Variants in DIRAS1 observed in about 807,000 individuals in gnomAD.
DIRAS1 encodes the protein GTP-binding protein Di-Ras1.
A neutral mutation model predicts 11.5 loss-of-function variants in DIRAS1; 3 were observed. The observed-to-expected ratio is 0.26, with a 90% confidence interval of 0.12 to 0.67. The LOEUF is 0.67. DIRAS1 is among the 30% of genes least tolerant of loss of function. DIRAS1 has a pLI of 0.80. For synonymous variants in DIRAS1, 128 were observed against 125.8 expected (o/e 1.02, Z -0.12); for missense variants, 212 against 285.3 (o/e 0.74, Z 1.85).
At position 2,717,107 on chromosome 19, in the gene DIRAS1, G is replaced by A; in HGVS notation, c.*103C>T. On this transcript the variant is annotated 3_prime_UTR_variant, in exon 2 of 2. Transcript: ENST00000323469. ...CTCGGTTTCCCCAGCCGAGGTGTCG[G>A]AGGAAGGATGAGAGAAGAGGAGGAG... 4 of 1,287,738 alleles carry A rather than the reference G, an allele frequency of 3.1e-6. No homozygotes were observed. Among genetic ancestry groups the A allele is most frequent in the Non-Finnish European group, 4.2e-6 (4 of 943,144 alleles). 79.8% of individuals were successfully genotyped at this position (1,287,738 alleles called of 1,614,324 possible).
At chr19:2,720,755 G>C (rs1913934205) in intron 1 of DIRAS1, among the ~76,000 whole-genome samples, 1 of 152,180 alleles carries the variant, frequency 6.6e-6, no homozygotes, top group South Asian at 2.1e-4. Flanking sequence ...GACCAAGGGT[G>C]GGGCGGGGGT....
chr19:2,719,598 AG>A (rs1913907541), intron 1 of DIRAS1, among the ~76,000 whole-genome samples: 1 of 107,906 alleles, frequency 9.3e-6, no homozygotes, highest in Non-Finnish European at 1.9e-5. Flanking sequence ...GGGGTGGGGG[AG>A]GGGTGTTCCC....
chr19:2,719,854 G>A (rs961036752), intron 1 of DIRAS1, among the ~76,000 whole-genome samples: 1 of 152,318 alleles, frequency 6.6e-6, no homozygotes, highest in Non-Finnish European at 1.5e-5. Context: ...CGGAGACCCC[G>A]ATCACAATTG....
Position 2,715,002 on chromosome 19 carries a change from C to G in DIRAS1, c.*2208G>C, listed in dbSNP as rs1296331789. 6.6e-6 allele frequency: 1 copy of G among 152,524 alleles called. No individual in the cohort carries two copies. Among genetic ancestry groups the G allele is most frequent in the Non-Finnish European group, 1.5e-5 (1 of 68,112 alleles). 9.4% of individuals were successfully genotyped at this position (152,524 alleles called of 1,614,324 possible). ...AGCTGCTGGTGGGCCCTGGGCCAGC[C>G]CAAGTTTTGGGGGGACCCAGCTCTG... On this transcript the variant is annotated 3_prime_UTR_variant, in exon 2 of 2. Transcript: ENST00000323469.
rs763271501 is a variant in DIRAS1 at position 2,718,978 on chromosome 19, A to G, written c.-69-1103T>C. Among the ~76,000 whole-genome samples, 7 of 149,936 alleles carry G rather than the reference A, an allele frequency of 4.7e-5. No homozygotes were observed. The highest frequency in any genetic ancestry group is 8.9e-5 in the Non-Finnish European group (6 of 67,660). On this transcript the variant is annotated intron_variant, in intron 1 of 1. Transcript: ENST00000323469. The surrounding 1 kb of genome is among the most constrained non-coding windows in gnomAD (Gnocchi z 4.2). The stretch of plus-strand genomic sequence containing the variant: ...TGGGATTACAGGCATGCACCACCAC[A>G]CCCGGCTAATTTTTGTATTTTCAGT...
Position 2,718,404 on chromosome 19 carries a change from T to TC in DIRAS1, c.-69-530dup, listed in dbSNP as rs1294603995. ...CCGCCAACCCAGAGATGGCCAATCC[T>TC]CATGGAAGCCGCACATGGTCGGGTG... On this transcript the variant is annotated intron_variant, in intron 1 of 1. Coordinates refer to ENST00000323469, the MANE Select transcript of DIRAS1 (RefSeq NM_145173.4). This position sits in a 1 kb window ranked among gnomAD's most constrained non-coding sequence, Gnocchi z 4.2. 1.4e-4 allele frequency among the ~76,000 whole-genome samples: 22 copies of TC among 152,288 alleles called. No homozygotes were observed. The East Asian group carries it at 4.0e-3, about 28-fold the overall frequency.
chr19:2,716,247 G>A lies in DIRAS1; in HGVS notation c.*963C>T, dbSNP rs1345674539. ...GGCAGGCCCTGCTCTCTGGGGCACAGGTGGTGGGGAGGAAGTGGGTGGGGC... is the reference window on the plus strand; with the variant it reads ...GGCAGGCCCTGCTCTCTGGGGCACAAGTGGTGGGGAGGAAGTGGGTGGGGC... On this transcript the variant is annotated 3_prime_UTR_variant, in exon 2 of 2. Transcript: ENST00000323469. The A allele has an allele frequency of 6.6e-6, 1 of 152,370 alleles. No individual in the cohort carries two copies. Among genetic ancestry groups the A allele is most frequent in the Non-Finnish European group, 1.5e-5 (1 of 68,138 alleles). 9.4% of individuals were successfully genotyped at this position (152,370 alleles called of 1,614,324 possible). A position where few individuals can be genotyped will look rare whatever the true frequency, so the allele number is the denominator to read the frequency against.
Position 2,717,698 on chromosome 19 carries a change from T to C in DIRAS1, c.109A>G (p.Ile37Val). 1.9e-6 allele frequency: 3 copies of C among 1,611,238 alleles called. No homozygotes were observed. The highest frequency in any genetic ancestry group is 2.5e-6 in the Non-Finnish European group (3 of 1,179,998). Residue 37 changes from isoleucine to valine, a missense_variant, in exon 2 of 2, where the codon ATC (isoleucine) becomes GTC (valine). By Grantham distance (29) the Ile-to-Val change is conservative. This residue lies in a region of DIRAS1 where 128 missense variants were observed against 205.3 expected (regional missense o/e 0.62). Coordinates refer to ENST00000323469, the MANE Select transcript of DIRAS1 (RefSeq NM_145173.4). Reference sequence around the variant, plus strand: ...CGGTAGGTGTCCTCGATGGTGGGGATGTAGGTGTCGCGGAACGTGCCCTTC... The same window carrying C: ...CGGTAGGTGTCCTCGATGGTGGGGACGTAGGTGTCGCGGAACGTGCCCTTC... ...FVKGTFRDTY[I>V]PTIEDTYRQV...
In DIRAS1 at chr19:2,717,334, T is replaced by C; in HGVS notation, c.473A>G (p.Lys158Arg). 6.2e-7 allele frequency: 1 copy of C among 1,611,670 alleles called. No homozygotes were observed. The highest frequency in any genetic ancestry group is 1.1e-5 in the South Asian group (1 of 91,084). ...CGTCAGCAGCTCCTGGAAGAGCTCCTTGACGTTGTAGTTCATCTTGGCCGA... is the reference window on the plus strand; with the variant it reads ...CGTCAGCAGCTCCTGGAAGAGCTCCCTGACGTTGTAGTTCATCTTGGCCGA... ...ETSAKMNYNV[K>R]ELFQELLTLE... is the part of the protein sequence containing the mutation. The change falls in exon 2 of 2, where the codon AAG (lysine) becomes AGG (arginine). Residue 158 changes from lysine (K) to arginine (R), a missense_variant. Physicochemically the swap from Lys to Arg is conservative, Grantham distance 26 (BLOSUM62 2). Coordinates refer to ENST00000323469, the MANE Select transcript of DIRAS1 (RefSeq NM_145173.4).
At position 2,718,097 on chromosome 19, in the gene DIRAS1, G is replaced by C. The variant is rs1173892814; in HGVS notation, c.-69-222C>G. Among the ~76,000 whole-genome samples the C allele has an allele frequency of 6.6e-6, 1 of 152,220 alleles. No individual in the cohort carries two copies. The highest frequency in any genetic ancestry group is 1.5e-5 in the Non-Finnish European group (1 of 68,042). ...GCTTACTTCTCCCTAACAAAATCTG[G>C]GGCCTGAGCTTCCCCGGGGGACGCT... is the stretch of plus-strand genomic sequence containing the variant. On this transcript the variant is annotated intron_variant, in intron 1 of 1. Transcript: ENST00000323469. The surrounding 1 kb of genome is among the most constrained non-coding windows in gnomAD (Gnocchi z 4.2).
intron 1 of DIRAS1, among the ~76,000 whole-genome samples, chr19:2,719,992 C>T (rs931100860): frequency 2.0e-5 from 3 of 152,218 alleles, no homozygotes; most frequent in African/African-American, 4.8e-5. Flanking sequence ...CTGATGAAAG[C>T]GCCAGCTGAC....
In DIRAS1 at chr19:2,718,521, T is replaced by G. The variant is rs1380637752; in HGVS notation, c.-69-646A>C. 1.3e-5 allele frequency among the ~76,000 whole-genome samples: 2 copies of G among 152,216 alleles called. No homozygotes were observed. The highest frequency in any genetic ancestry group is 4.8e-5 in the African/African-American group (2 of 41,452). On this transcript the variant is annotated intron_variant, in intron 1 of 1. Transcript: ENST00000323469. The surrounding 1 kb of genome is among the most constrained non-coding windows in gnomAD (Gnocchi z 4.2). Reference sequence around the variant, plus strand: ...TGGGAACTCGTATTTTATTTTATTCTTCTTATTTATTTATTTATTTTTAGA... The same window carrying G: ...TGGGAACTCGTATTTTATTTTATTCGTCTTATTTATTTATTTATTTTTAGA...
In DIRAS1 at chr19:2,716,965, G is replaced by A. The variant is rs1323234470; in HGVS notation, c.*245C>T. 5 of 474,224 alleles carry A rather than the reference G, an allele frequency of 1.1e-5. No homozygotes were observed. Among genetic ancestry groups the A allele is most frequent in the African/African-American group, 2.0e-5 (1 of 51,234 alleles). 29.4% of individuals were successfully genotyped at this position (474,224 alleles called of 1,614,324 possible). A position where few individuals can be genotyped will look rare whatever the true frequency, so the allele number is the denominator to read the frequency against. ...TCTGCAGGACAAGGGGGCCACCTCCGGCTCTTGGTTTTGGAGGGTACAGAC... is the reference window on the plus strand; with the variant it reads ...TCTGCAGGACAAGGGGGCCACCTCCAGCTCTTGGTTTTGGAGGGTACAGAC... On this transcript the variant is annotated 3_prime_UTR_variant, in exon 2 of 2. Coordinates refer to ENST00000323469, the MANE Select transcript of DIRAS1 (RefSeq NM_145173.4).
Position 2,717,708 on chromosome 19 carries a change from G to A in DIRAS1, c.99C>T (p.Arg33=), listed in dbSNP as rs1370921499. 8.7e-6 allele frequency: 14 copies of A among 1,609,798 alleles called. No individual in the cohort carries two copies. The highest frequency in any genetic ancestry group is 3.3e-5 in the South Asian group (3 of 91,092). The part of the protein sequence containing the change: ...LVLRFVKGTF[R]DTYIPTIEDT... ...CCTCGATGGTGGGGATGTAGGTGTC[G>A]CGGAACGTGCCCTTCACGAAGCGCA... The change falls in exon 2 of 2, where the codon CGC becomes CGT. Residue 33 remains arginine, a synonymous_variant. Transcript: ENST00000323469.
intron 1 of DIRAS1, among the ~76,000 whole-genome samples, chr19:2,719,749 C>T (rs1457251292): frequency 6.6e-6 from 1 of 152,110 alleles, no homozygotes; most frequent in Non-Finnish European, 1.5e-5. Flanking sequence ...ATTCAAGTCC[C>T]TAAGCCTCCG....
In DIRAS1 at chr19:2,717,300, C is replaced by A; in HGVS notation, c.507G>T (p.Thr169=). 2.5e-6 allele frequency: 4 copies of A among 1,612,360 alleles called. No homozygotes were observed. Among genetic ancestry groups the A allele is most frequent in the Non-Finnish European group, 3.4e-6 (4 of 1,179,902 alleles). The change falls in exon 2 of 2, where the codon ACG becomes ACT. Residue 169 remains threonine (T), a synonymous_variant. Transcript: ENST00000323469. ...ELFQELLTLE[T]RRNMSLNIDG... The stretch of plus-strand genomic sequence containing the variant: ...CGATGTTGAGGCTCATGTTCCGGCG[C>A]GTCTCCAGCGTCAGCAGCTCCTGGA...
At chr19:2,719,922 G>C (rs1913915887) in intron 1 of DIRAS1, among the ~76,000 whole-genome samples, 1 of 152,208 alleles carries the variant, frequency 6.6e-6, no homozygotes, top group African/African-American at 2.4e-5. Flanking sequence ...GTGCCTGTTG[G>C]TTGCAAAGGC....
rs73920500 is a variant in DIRAS1, at chr19:2,715,369, A to G, written c.*1841T>C. 0.044 allele frequency: 6,653 copies of G among 152,270 alleles called. 478 individuals are homozygous for G. The highest frequency in any genetic ancestry group is 0.15 in the African/African-American group (6,239 of 41,484). The allele number at this position is 152,270 out of a possible 1,614,324, so 9.4% of individuals were successfully genotyped here. ...ACCTTCCCTCACTAACTTAGCTGCC[A>G]TGCTCCGAGCCCCGCTGTGGAGAGA... On this transcript the variant is annotated 3_prime_UTR_variant, in exon 2 of 2. Coordinates refer to ENST00000323469, the MANE Select transcript of DIRAS1 (RefSeq NM_145173.4).
rs922014635 is a variant in DIRAS1, at chr19:2,721,324, G to C, written c.-90C>G. On this transcript the variant is annotated 5_prime_UTR_variant, in exon 1 of 2. Coordinates refer to ENST00000323469, the MANE Select transcript of DIRAS1 (RefSeq NM_145173.4). ...CCTACCTGGGCCCGCTGGTCCCTGC[G>C]GCGCCGCGGCCGCTGCTCCTGCCCG... 104 of 146,162 alleles carry C rather than the reference G, an allele frequency of 7.1e-4. No individual in the cohort carries two copies. The highest frequency in any genetic ancestry group is 2.5e-3 in the African/African-American group (102 of 40,378). 9.1% of individuals were successfully genotyped at this position (146,162 alleles called of 1,614,324 possible).
Sources: gnomAD v4.1 joint callset for allele counts (sites outside exome capture counted in the v4.1 genomes callset) on GRCh38, gnomAD v4.1.1 for gene constraint, gnomAD v4.1.1 regional missense constraint, Gnocchi (gnomAD v3.1) non-coding constraint, MANE v1.5 for transcripts, NCBI Gene and HGNC (gene_info 2026-07-23, HGNC 2026-07-21) for gene names.